The following PRKG1 variants were observed in gnomAD, a reference collection of about 807,000 sequenced individuals.
PRKG1 encodes cGMP-dependent protein kinase 1.
In PRKG1, 35 loss-of-function variants were observed where a neutral mutation model predicts 88.1. The observed-to-expected ratio is 0.40, with a 90% confidence interval of 0.30 to 0.53. The LOEUF (loss-of-function observed/expected upper bound fraction) is 0.53, where lower values mean the gene tolerates loss of function less well. Among genes scored for constraint, PRKG1 ranks in the 20% least tolerant of loss-of-function variants. The probability of loss-of-function intolerance (pLI) is 0.59; values close to 1 mark genes in which losing one functional copy is unlikely to be tolerated. For synonymous variants in PRKG1, 303 were observed against 292.5 expected (o/e 1.04, Z -0.37); for missense variants, 540 against 839.8 (o/e 0.64, Z 4.41).
intron 5 of PRKG1, among the ~76,000 whole-genome samples, chr10:51,915,190 C>T (rs941291374): frequency 5.3e-5 from 8 of 152,194 alleles, no homozygotes; most frequent in African/African-American, 9.7e-5. Context: ...AGAAAAAGTC[C>T]TGCCTTAGGC....
intron 3 of PRKG1, among the ~76,000 whole-genome samples, chr10:51,711,760 T>C (rs911318985): frequency 6.6e-6 from 1 of 152,108 alleles, no homozygotes; most frequent in Non-Finnish European, 1.5e-5. Flanking sequence ...CCAGATAAGA[T>C]GGATTGTTGG....
At chr10:52,266,926 G>A (rs1841585557) in intron 10 of PRKG1, among the ~76,000 whole-genome samples, 1 of 151,978 alleles carries the variant, frequency 6.6e-6, no homozygotes, top group Non-Finnish European at 1.5e-5. Context: ...TAACTATCTA[G>A]GCTAGTCCTT....
intron 1 of PRKG1, among the ~76,000 whole-genome samples, chr10:51,099,615 A>G (rs1156984207): frequency 6.6e-6 from 1 of 152,120 alleles, no homozygotes; most frequent in Non-Finnish European, 1.5e-5. Flanking sequence ...GATGACCTAT[A>G]TTGAGGTATT....
chr10:51,216,204 A>T (rs925219569), intron 2 of PRKG1, among the ~76,000 whole-genome samples: 1 of 152,232 alleles, frequency 6.6e-6, no homozygotes, highest in Non-Finnish European at 1.5e-5. Context: ...CCACTGTAGC[A>T]GAGGATGGAA....
Position 52,106,033 on chromosome 10 carries a change from A to T in PRKG1, c.936-27807A>T, listed in dbSNP as rs140899168. ...ATCCTTCTTATGCCTTTGCATCCTC[A>T]TAGCTTAGCTCCTGCTTCTATGTGA... On this transcript the variant is annotated intron_variant, in intron 7 of 17. Coordinates refer to ENST00000373980, the MANE Select transcript of PRKG1 (RefSeq NM_006258.4). Among the ~76,000 whole-genome samples the T allele has an allele frequency of 2.5e-3, 388 of 152,222 alleles. 4 individuals carry two copies. The highest frequency in any genetic ancestry group is 8.7e-3 in the African/African-American group (363 of 41,526).
chr10:51,232,896 G>A (rs1349744077), intron 2 of PRKG1, among the ~76,000 whole-genome samples: 2 of 152,116 alleles, frequency 1.3e-5, no homozygotes, highest in Non-Finnish European at 2.9e-5. Flanking sequence ...GTTAGTCAGG[G>A]ATGGAGCCTA....
intron 4 of PRKG1, among the ~76,000 whole-genome samples, chr10:51,852,335 T>C (rs956978417): frequency 1.5e-4 from 23 of 150,046 alleles, no homozygotes; most frequent in African/African-American, 2.5e-4. Flanking sequence ...TATATACATA[T>C]ACACACACAC....
intron 4 of PRKG1, among the ~76,000 whole-genome samples, chr10:51,821,681 C>CTA (rs1283189407): frequency 8.0e-6 from 1 of 125,150 alleles, no homozygotes; most frequent in Admixed American, 7.3e-5. Context: ...CTGTATTGAC[C>CTA]TATATATATT....
chr10:51,529,960 CT>C (rs1434319476), intron 3 of PRKG1, among the ~76,000 whole-genome samples: 1 of 152,118 alleles, frequency 6.6e-6, no homozygotes, highest in Non-Finnish European at 1.5e-5. Context: ...TCCTAGCCTG[CT>C]TTCTTTTTTA....
At chr10:51,500,918 G>A (rs539024579) in intron 3 of PRKG1, among the ~76,000 whole-genome samples, 14 of 152,270 alleles carry the variant, frequency 9.2e-5, no homozygotes, top group African/African-American at 3.4e-4. Flanking sequence ...GATTTATTAG[G>A]TTGATGCAAA....
intron 4 of PRKG1, among the ~76,000 whole-genome samples, chr10:51,812,932 T>C (rs1839494187): frequency 6.6e-6 from 1 of 152,164 alleles, no homozygotes; most frequent in African/African-American, 2.4e-5. Flanking sequence ...CAACTTCCGA[T>C]GGCCAGCCAC....
At chr10:51,029,845 G>T (rs151018994) in intron 1 of PRKG1, among the ~76,000 whole-genome samples, 155 of 152,108 alleles carry the variant, frequency 1.0e-3, no homozygotes, top group Non-Finnish European at 2.0e-3. Flanking sequence ...CCAAACCAGG[G>T]CTCCCCTATT....
At chr10:51,609,152 A>T (rs1398519931) in intron 3 of PRKG1, among the ~76,000 whole-genome samples, 1 of 152,014 alleles carries the variant, frequency 6.6e-6, no homozygotes, top group Non-Finnish European at 1.5e-5. Flanking sequence ...GGTTAGTTAC[A>T]TATGTATACA....
At chr10:51,066,626 A>G (rs1843753202) in intron 1 of PRKG1, among the ~76,000 whole-genome samples, 1 of 152,134 alleles carries the variant, frequency 6.6e-6, no homozygotes, top group Non-Finnish European at 1.5e-5. Flanking sequence ...AGAAGAAGGA[A>G]GGTTTAGTTG....
rs1491310201 is a variant in PRKG1, at chr10:51,570,067, A to ATATATATATATATATATATATATATG, written c.592+102232_592+102233insATATATATATATATATATATATATGT. On this transcript the variant is annotated intron_variant, in intron 3 of 17. Transcript: ENST00000373980. ...CAAACTAGTATATATATATATATAT[A>ATATATATATATATATATATATATATG]TGTGTGTGTGTGTTTATATATGTAT... Among the ~76,000 whole-genome samples, 683 of 112,666 alleles carry ATATATATATATATATATATATATATG rather than the reference A, an allele frequency of 6.1e-3. 23 individuals are homozygous for ATATATATATATATATATATATATATG. The highest frequency in any genetic ancestry group is 0.015 in the African/African-American group (406 of 27,542). The allele number at this position is 112,666 out of a possible 152,430, so 73.9% of individuals were successfully genotyped here. A position where few individuals can be genotyped will look rare whatever the true frequency, so the allele number is the denominator to read the frequency against.
intron 9 of PRKG1, among the ~76,000 whole-genome samples, chr10:52,183,681 G>A (rs1330224137): frequency 2.0e-5 from 3 of 152,182 alleles, no homozygotes; most frequent in Admixed American, 6.5e-5. Flanking sequence ...GCACCTAGAG[G>A]AGGGCATACT....
chr10:51,452,381 G>A (rs564539450), intron 2 of PRKG1, among the ~76,000 whole-genome samples: 1 of 151,974 alleles, frequency 6.6e-6, no homozygotes, highest in South Asian at 2.1e-4. Context: ...TTCTCAGGGG[G>A]AATGCTTTCA....
intron 2 of PRKG1, among the ~76,000 whole-genome samples, chr10:51,432,571 G>A (rs117766137): frequency 0.015 from 2,352 of 152,228 alleles, 52 homozygotes; most frequent in Admixed American, 0.049. Flanking sequence ...AATACTGCCT[G>A]GTACTGACAA....
intron 10 of PRKG1, among the ~76,000 whole-genome samples, chr10:52,269,198 ACTT>A (rs1424839416): frequency 1.3e-5 from 2 of 152,018 alleles, no homozygotes; most frequent in East Asian, 1.9e-4. Context: ...ATATGACTTT[ACTT>A]CTTCTTCTCT....
Sources: allele counts gnomAD v4.1 joint callset (sites outside exome capture counted in the v4.1 genomes callset), GRCh38; gene constraint gnomAD v4.1.1; transcripts MANE v1.5; gene names NCBI Gene and HGNC (gene_info 2026-07-23, HGNC 2026-07-21).